The following ATP2B4 variants were observed in gnomAD, a reference collection of about 807,000 sequenced individuals.
ATP2B4 encodes the protein ATPase plasma membrane Ca2+ transporting 4, also known as plasma membrane calcium-transporting ATPase 4.
A neutral mutation model predicts 110.3 loss-of-function variants in ATP2B4; 39 were observed. That is an observed-to-expected ratio of 0.35 (90% confidence interval 0.27 to 0.46). The LOEUF is 0.46. Ranked by LOEUF, ATP2B4 falls within the 20% of genes least tolerant of loss-of-function variation. The pLI, the probability that ATP2B4 is intolerant of heterozygous loss-of-function variation, is 1.00. For missense variants in ATP2B4, 1,135 were observed against 1,530.9 expected (o/e 0.74, Z 4.32); for synonymous variants, 538 against 571.7 (o/e 0.94, Z 0.84).
intron 14 of ATP2B4, 144 bp downstream of exon 14, chr1:203,713,396 G>C (rs1361772994): frequency 1.5e-5 from 11 of 747,038 alleles, no homozygotes. Context: ...AGAACATACA[G>C]TTAGCAAACA....
intron 1 of ATP2B4, among the ~76,000 whole-genome samples, chr1:203,669,299 C>G (rs1664592069): frequency 6.6e-6 from 1 of 152,174 alleles, no homozygotes; most frequent in Non-Finnish European, 1.5e-5. Flanking sequence ...TGCCATCAAC[C>G]ATTCATTCAG....
At chr1:203,647,412 G>A (rs1428470681) in intron 1 of ATP2B4, among the ~76,000 whole-genome samples, 8 of 149,588 alleles carry the variant, frequency 5.3e-5, no homozygotes, top group East Asian at 2.0e-4. Flanking sequence ...CTCCAGCCTC[G>A]GCAATAGAGC....
At chr1:203,728,364 T>G (rs1321245290) in intron 20 of ATP2B4, 1 of 321,746 alleles carries the variant, frequency 3.1e-6, no homozygotes, top group Non-Finnish European at 6.2e-6. Context: ...GATCTAAGCA[T>G]TGATAATTCT....
At chr1:203,714,031 C>T in intron 14 of ATP2B4, 140 bp from the exon 15 acceptor site, 1 of 745,188 alleles carries the variant, frequency 1.3e-6, no homozygotes, top group Non-Finnish European at 2.3e-6. Context: ...AAACAACTTA[C>T]TGCCCTTAGG....
At chr1:203,674,912 T>C (rs1335301756) in intron 1 of ATP2B4, among the ~76,000 whole-genome samples, 1 of 152,188 alleles carries the variant, frequency 6.6e-6, no homozygotes, top group Non-Finnish European at 1.5e-5. Flanking sequence ...TTTCGCCATG[T>C]TGGCCAGGCT....
chr1:203,648,678 C>T (rs984110146), intron 1 of ATP2B4, among the ~76,000 whole-genome samples: 1 of 152,210 alleles, frequency 6.6e-6, no homozygotes, highest in African/African-American at 2.4e-5. Flanking sequence ...CCACCTTTTG[C>T]CATGACTCTG....
At chr1:203,693,105 C>T (rs1219818990) in intron 2 of ATP2B4, among the ~76,000 whole-genome samples, 1 of 152,220 alleles carries the variant, frequency 6.6e-6, no homozygotes, top group African/African-American at 2.4e-5. Context: ...TTTCCTTCCC[C>T]TCTCCAGGAG....
At chr1:203,656,858 A>G in intron 1 of ATP2B4, 1 of 418,280 alleles carries the variant, frequency 2.4e-6, no homozygotes, top group Non-Finnish European at 4.3e-6. Flanking sequence ...TTTACAATGT[A>G]ATAAATCTCT....
chr1:203,686,685 C>CTTTTGTTTTTTTTTTTTTTTTTTTTT (rs1665194016), intron 2 of ATP2B4, among the ~76,000 whole-genome samples: 1 of 42,776 alleles, frequency 2.3e-5, no homozygotes, highest in Admixed American at 4.7e-4. Context: ...TCTTTTCTTT[C>CTTTTGTTTTTTTTTTTTTTTTTTTTT]TTTTTTTTTT....
chr1:203,718,027 A>G (rs893900595), intron 15 of ATP2B4, among the ~76,000 whole-genome samples: 1 of 152,112 alleles, frequency 6.6e-6, no homozygotes, highest in African/African-American at 2.4e-5. Context: ...GTTCCTTGCT[A>G]CTGAGTAGAT....
chr1:203,682,991 C>T lies in ATP2B4; in HGVS notation c.-215C>T, dbSNP rs1023779813. ...ACTCAGTTCCCCCATCCTCTTCCTCCTCTCGCTGCCAGACTTCATACGGAA... is the reference window on the plus strand; with the variant it reads ...ACTCAGTTCCCCCATCCTCTTCCTCTTCTCGCTGCCAGACTTCATACGGAA... On this transcript the variant is annotated 5_prime_UTR_variant, in exon 2 of 21. Coordinates refer to ENST00000357681, the MANE Select transcript of ATP2B4 (RefSeq NM_001684.5). 14 of 491,882 alleles carry T rather than the reference C, an allele frequency of 2.8e-5. No individual in the cohort carries two copies. The highest frequency in any genetic ancestry group is 4.3e-5 in the Non-Finnish European group (12 of 277,192). 30.5% of individuals were successfully genotyped at this position (491,882 alleles called of 1,614,324 possible).
In ATP2B4 at chr1:203,740,486, A is replaced by G. The variant is rs1182296355; in HGVS notation, c.*632A>G. The G allele has an allele frequency of 2.1e-5, 3 of 144,582 alleles. No homozygotes were observed. The highest frequency in any genetic ancestry group is 7.7e-5 in the African/African-American group (3 of 38,792). The allele number at this position is 144,582 out of a possible 1,614,324, so 9.0% of individuals were successfully genotyped here. The stretch of plus-strand genomic sequence containing the variant: ...TGATGATTAAGAAAATGGAAAGGAT[A>G]TGGATGAATTGTGTAAACTTAGATC... On this transcript the variant is annotated 3_prime_UTR_variant, in exon 21 of 21. Transcript: ENST00000357681.
intron 1 of ATP2B4, among the ~76,000 whole-genome samples, chr1:203,643,104 C>T (rs1255024096): frequency 6.6e-6 from 1 of 152,188 alleles, no homozygotes; most frequent in East Asian, 1.9e-4. Flanking sequence ...TGCAACTCTC[C>T]ATCAAAGGGC....
chr1:203,703,534 G>A (rs1665756061), intron 7 of ATP2B4, 118 bp from the exon 8 acceptor site: 2 of 1,213,636 alleles, frequency 1.6e-6, no homozygotes, highest in African/African-American at 1.5e-5. Flanking sequence ...CGGAACTGAT[G>A]TCAGGGTCCA....
intron 1 of ATP2B4, among the ~76,000 whole-genome samples, chr1:203,627,578 T>C (rs898855511): frequency 2.0e-5 from 3 of 150,644 alleles, no homozygotes; most frequent in Admixed American, 6.7e-5. Flanking sequence ...GCCCTCCCCT[T>C]CCCCCCTTGG....
intron 1 of ATP2B4, among the ~76,000 whole-genome samples, chr1:203,668,905 G>A (rs1246685539): frequency 6.6e-6 from 1 of 152,212 alleles, no homozygotes; most frequent in African/African-American, 2.4e-5. Flanking sequence ...GGAGGTAGGG[G>A]AAGGGATACA....
intron 1 of ATP2B4, among the ~76,000 whole-genome samples, chr1:203,661,008 G>T (rs1000931132): frequency 6.6e-6 from 1 of 151,848 alleles, no homozygotes; most frequent in Non-Finnish European, 1.5e-5. Flanking sequence ...TATTTGGGAG[G>T]CCGAGGCAGG....
At chr1:203,710,152 G>C (rs982420059) in intron 11 of ATP2B4, among the ~76,000 whole-genome samples, 1 of 152,140 alleles carries the variant, frequency 6.6e-6, no homozygotes. Flanking sequence ...CAGAACACGA[G>C]GTCAGGAGTT....
chr1:203,678,150 T>C (rs1376527854), intron 1 of ATP2B4, among the ~76,000 whole-genome samples: 1 of 152,186 alleles, frequency 6.6e-6, no homozygotes, highest in East Asian at 1.9e-4. Context: ...AATAGGAGCA[T>C]TTAGTAGCGG....
Sources: allele counts gnomAD v4.1 joint callset (sites outside exome capture counted in the v4.1 genomes callset), GRCh38; gene constraint gnomAD v4.1.1; transcripts MANE v1.5; gene names NCBI Gene and HGNC (gene_info 2026-07-23, HGNC 2026-07-21).